The following IFT43 variants were observed in gnomAD, a reference collection of about 807,000 sequenced individuals.
IFT43 encodes the protein intraflagellar transport protein 43 homolog.
A neutral mutation model predicts 32.3 loss-of-function variants in IFT43; 33 were observed. That is an observed-to-expected ratio of 1.02 (90% CI 0.77 to 1.37). IFT43 has a LOEUF of 1.37. IFT43 is among the 40% of genes most tolerant of loss of function. The pLI is 0.00. For synonymous variants in IFT43, 93 were observed against 98.2 expected (o/e 0.95, Z 0.31); for missense variants, 274 against 265.9 (o/e 1.03, Z -0.21).
In IFT43 at chr14:76,007,339, G is replaced by A. The variant is rs117450401; in HGVS notation, c.148-14988G>A. 8.5e-3 allele frequency among the ~76,000 whole-genome samples: 1,295 copies of A among 152,260 alleles called. 14 individuals carry two copies. The highest frequency in any genetic ancestry group is 0.027 in the Middle Eastern group (8 of 294). The stretch of plus-strand genomic sequence containing the variant: ...TCTCACCACTGCGTGATACAGAGTG[G>A]GGAATGAAGCCAGGCATTTCTCTCT... On this transcript the variant is annotated intron_variant, in intron 2 of 8. Transcript: ENST00000314067.
At chr14:76,010,903 C>T (rs10146195) in intron 2 of IFT43, among the ~76,000 whole-genome samples, 21 of 146,544 alleles carry the variant, frequency 1.4e-4, no homozygotes, top group Admixed American at 2.7e-4. Flanking sequence ...CCTCACTTCT[C>T]CTTTTTTTTT....
chr14:75,988,857 C>A, intron 1 of IFT43, 28 bp from the exon 2 acceptor site: 1 of 1,613,490 alleles, frequency 6.2e-7, no homozygotes, highest in Non-Finnish European at 8.5e-7. Context: ...ACATTTGGGT[C>A]AGCAGTGCCT....
chr14:75,991,319 G>T (rs1392567803), intron 2 of IFT43, among the ~76,000 whole-genome samples: 1 of 150,228 alleles, frequency 6.7e-6, no homozygotes. Context: ...CAACAAGAGT[G>T]ATATATACAT....
chr14:76,027,687 C>T (rs1457148987), intron 3 of IFT43, among the ~76,000 whole-genome samples: 13 of 136,362 alleles, frequency 9.5e-5, no homozygotes, highest in African/African-American at 3.6e-4. Context: ...CCAGCCTGGG[C>T]AACAGAGTGA....
chr14:76,061,941 T>G (rs775791863), intron 5 of IFT43, among the ~76,000 whole-genome samples: 17 of 152,340 alleles, frequency 1.1e-4, no homozygotes, highest in Non-Finnish European at 1.9e-4. Context: ...CATTTTGGAT[T>G]CTCAGATTAG....
At chr14:76,063,649 A>G (rs1007827887) in intron 5 of IFT43, among the ~76,000 whole-genome samples, 1 of 152,190 alleles carries the variant, frequency 6.6e-6, no homozygotes, top group African/African-American at 2.4e-5. Context: ...CCAGTTTTCT[A>G]GTTGTTTATG....
chr14:76,067,922 G>T (rs2037254468), intron 5 of IFT43, among the ~76,000 whole-genome samples: 1 of 152,240 alleles, frequency 6.6e-6, no homozygotes, highest in Non-Finnish European at 1.5e-5. Flanking sequence ...AGAACAAAAT[G>T]TATCTGCAAG....
At chr14:76,083,749 C>G (rs2037560029), downstream of IFT43, 5 of 723,062 alleles carry the variant, frequency 6.9e-6, no homozygotes, top group Non-Finnish European at 1.2e-5. Flanking sequence ...GCCATCTCCT[C>G]CATTTCTTTC....
intron 3 of IFT43, chr14:76,058,382 T>C: frequency 7.1e-6 from 3 of 421,668 alleles, no homozygotes; most frequent in South Asian, 6.4e-5. Context: ...ATTTGAATTT[T>C]AAGCCACTCG....
intron 5 of IFT43, among the ~76,000 whole-genome samples, chr14:76,068,052 A>G (rs2037256803): frequency 6.6e-6 from 1 of 152,232 alleles, no homozygotes; most frequent in African/African-American, 2.4e-5. Context: ...AGGCACTGCA[A>G]AAGTTCCATA....
At chr14:76,026,149 A>G (rs779197731) in intron 3 of IFT43, among the ~76,000 whole-genome samples, 23 of 152,246 alleles carry the variant, frequency 1.5e-4, no homozygotes, top group Non-Finnish European at 1.5e-4. Context: ...AACACTTTGT[A>G]AAAGAAAGAC....
chr14:76,073,542 G>A (rs2037358353), intron 5 of IFT43, among the ~76,000 whole-genome samples: 1 of 152,102 alleles, frequency 6.6e-6, no homozygotes, highest in Non-Finnish European at 1.5e-5. Flanking sequence ...CGTGCTTTAG[G>A]CTCTACCAGC....
chr14:76,036,126 T>G (rs1281386541), intron 3 of IFT43, among the ~76,000 whole-genome samples: 1 of 152,226 alleles, frequency 6.6e-6, no homozygotes, highest in Admixed American at 6.5e-5. Context: ...AGATAATTTT[T>G]ATTAATTGAT....
At chr14:76,055,447 CTTACTATTTTCAGCACATGG>C (rs1314381722) in intron 3 of IFT43, among the ~76,000 whole-genome samples, 1 of 151,916 alleles carries the variant, frequency 6.6e-6, no homozygotes, top group African/African-American at 2.4e-5. Context: ...AATACCTATT[CTTACTATTTTCAGCACATGG>C]TGTTTTCTGT....
At chr14:76,044,658 C>G (rs967751485) in intron 3 of IFT43, among the ~76,000 whole-genome samples, 1 of 152,168 alleles carries the variant, frequency 6.6e-6, no homozygotes, top group Non-Finnish European at 1.5e-5. Flanking sequence ...CAGGAGTCCC[C>G]CCATTCATCT....
At chr14:76,000,210 C>T (rs1330154522) in intron 2 of IFT43, among the ~76,000 whole-genome samples, 1 of 150,244 alleles carries the variant, frequency 6.7e-6, no homozygotes, top group East Asian at 1.9e-4. Flanking sequence ...ATGAAATGAT[C>T]ATTTGTGATA....
In IFT43 at chr14:76,083,528, C is replaced by T; in HGVS notation, c.578C>T (p.Pro193Leu). Residue 193 changes from proline to leucine, a missense_variant, in exon 9 of 9, where the codon CCA (proline) becomes CTA (leucine). By Grantham distance (98) the Pro-to-Leu change is moderately conservative. Transcript: ENST00000314067. ...TCAGAGGTCCTCACTGAGTGGGACC[C>T]ACTGCAGACGGAGAAGGAGGACCCT... ...VSSEVLTEWD[P>L]LQTEKEDPAG... The T allele has an allele frequency of 1.2e-6, 2 of 1,614,132 alleles. No individual in the cohort carries two copies. Among genetic ancestry groups the T allele is most frequent in the Non-Finnish European group, 1.7e-6 (2 of 1,180,000 alleles).
rs1428617585 is a variant in IFT43 at position 76,082,347 on chromosome 14, G to A, written c.348G>A (p.Leu116=). ...AAGTACAGGAAGAAGACTTTGTTTT[G>A]CAGGTGGCAGCCCCTCCCAGGTAGG... ...LEEVQEEDFV[L]QVAAPPSIQI... is the part of the protein sequence containing the mutation. Residue 116 remains leucine, a synonymous_variant, in exon 6 of 9, where the codon TTG becomes TTA. Transcript: ENST00000314067. 24 of 1,611,898 alleles carry A rather than the reference G, an allele frequency of 1.5e-5. No homozygotes were observed. The highest frequency in any genetic ancestry group is 2.0e-5 in the Non-Finnish European group (24 of 1,177,924).
At chr14:76,001,654 T>C (rs1301682155) in intron 2 of IFT43, among the ~76,000 whole-genome samples, 1 of 152,192 alleles carries the variant, frequency 6.6e-6, no homozygotes, top group East Asian at 1.9e-4. Flanking sequence ...TTAGGGGGTG[T>C]CTTGGTCTGT....
Sources: gnomAD v4.1 joint callset for allele counts (sites outside exome capture counted in the v4.1 genomes callset) on GRCh38, gnomAD v4.1.1 for gene constraint, MANE v1.5 for transcripts, NCBI Gene and HGNC (gene_info 2026-07-23, HGNC 2026-07-21) for gene names.